RFX3: variants seen among roughly 807,000 people sequenced by gnomAD.
The protein encoded by RFX3 is transcription factor RFX3.
In RFX3, 14 loss-of-function variants were observed where a neutral mutation model predicts 98.6. The ratio of observed to expected loss-of-function variants is 0.14; its 90% CI spans 0.09 to 0.22. The LOEUF (loss-of-function observed/expected upper bound fraction) is 0.22. Ranked by LOEUF, RFX3 falls within the 10% of genes least tolerant of loss-of-function variation. The pLI is 1.00. For synonymous variants in RFX3, 383 were observed against 328.4 expected (o/e 1.17, Z -1.80); for missense variants, 639 against 926.9 (o/e 0.69, Z 4.03).
At chr9:3,284,531 C>T (rs181721480) in intron 7 of RFX3, among the ~76,000 whole-genome samples, 14 of 151,560 alleles carry the variant, frequency 9.2e-5, no homozygotes, top group Admixed American at 7.9e-4. Context: ...GGTATTTTAC[C>T]TCCCCTTGAT....
At position 3,224,221 on chromosome 9, in the gene RFX3, GCCCC is replaced by G; in HGVS notation, c.*817_*820del. The G allele has an allele frequency of 6.6e-6, 1 of 150,898 alleles. No homozygotes were observed. The highest frequency in any genetic ancestry group is 1.5e-5 in the Non-Finnish European group (1 of 67,802). 9.3% of individuals were successfully genotyped at this position (150,898 alleles called of 1,614,324 possible). A position where few individuals can be genotyped will look rare whatever the true frequency, so the allele number is the denominator to read the frequency against. The stretch of plus-strand genomic sequence containing the variant: ...TCTGCTTCAGTATCTAACTATAACA[GCCCC>G]CACTTAACAGCAGAATGCATCTGTG... On this transcript the variant is annotated 3_prime_UTR_variant, in exon 17 of 17. Transcript: ENST00000617270.
chr9:3,490,226 C>CT, intron 1 of RFX3: 1 of 584,688 alleles, frequency 1.7e-6, no homozygotes, highest in Non-Finnish European at 2.1e-6. Context: ...TGAAAATACT[C>CT]TGTATTATGT....
intron 4 of RFX3, among the ~76,000 whole-genome samples, chr9:3,308,775 G>A (rs961106702): frequency 1.3e-5 from 2 of 152,102 alleles, no homozygotes; most frequent in Non-Finnish European, 2.9e-5. Context: ...CATGACTGTT[G>A]CTGTGAGTGA....
chr9:3,342,643 T>C (rs1164731419), intron 3 of RFX3, among the ~76,000 whole-genome samples: 1 of 150,856 alleles, frequency 6.6e-6, no homozygotes, highest in African/African-American at 2.4e-5. Flanking sequence ...CAAAAAAGAG[T>C]GGGGGAAGAA....
At chr9:3,377,247 T>G (rs1026295050) in intron 2 of RFX3, among the ~76,000 whole-genome samples, 2 of 152,246 alleles carry the variant, frequency 1.3e-5, no homozygotes, top group Non-Finnish European at 2.9e-5. Context: ...ATATACACCA[T>G]GGAATACCAT....
At chr9:3,451,019 A>G (rs891676641) in intron 1 of RFX3, among the ~76,000 whole-genome samples, 1 of 152,216 alleles carries the variant, frequency 6.6e-6, no homozygotes, top group Non-Finnish European at 1.5e-5. Flanking sequence ...AGCTGATTCT[A>G]GGAGTGAAGC....
chr9:3,507,429 T>C (rs1817211269), intron 1 of RFX3, among the ~76,000 whole-genome samples: 1 of 151,930 alleles, frequency 6.6e-6, no homozygotes, highest in African/African-American at 2.4e-5. Context: ...TCATATACTG[T>C]CTTTGAAACA....
chr9:3,403,942 C>T (rs1244098577), intron 1 of RFX3, among the ~76,000 whole-genome samples: 1 of 152,118 alleles, frequency 6.6e-6, no homozygotes, highest in African/African-American at 2.4e-5. Context: ...ATCTTGCCTA[C>T]ACAAGAATTT....
rs978788520 is a variant in RFX3 at position 3,523,011 on chromosome 9, C to T, written c.-9+2736G>A. Among the ~76,000 whole-genome samples, 43 of 152,124 alleles carry T rather than the reference C, an allele frequency of 2.8e-4. 1 individual carries two copies. The highest frequency in any genetic ancestry group is 1.5e-4 in the Non-Finnish European group (10 of 67,996). On this transcript the variant is annotated intron_variant, in intron 1 of 16. Coordinates refer to ENST00000617270, the MANE Select transcript of RFX3 (RefSeq NM_001282116.2). The stretch of plus-strand genomic sequence containing the variant: ...CAAAAAAAACTAACCATCACTACAA[C>T]CTTTAATGAAAACATTGTGAAACGA...
At chr9:3,391,985 A>C (rs1203185747) in intron 2 of RFX3, among the ~76,000 whole-genome samples, 1 of 152,130 alleles carries the variant, frequency 6.6e-6, no homozygotes, top group East Asian at 1.9e-4. Context: ...TCTTTCCCCA[A>C]CTCAGCTCCC....
intron 1 of RFX3, chr9:3,524,621 A>G: frequency 1.0e-6 from 1 of 984,770 alleles, no homozygotes; most frequent in Non-Finnish European, 1.2e-6. Flanking sequence ...GAGTTCTCAC[A>G]AAGCTTCCTT....
chr9:3,501,220 TAAAAG>T (rs967966044), intron 1 of RFX3, among the ~76,000 whole-genome samples: 1 of 152,194 alleles, frequency 6.6e-6, no homozygotes, highest in African/African-American at 2.4e-5. Flanking sequence ...CCCACCTTCC[TAAAAG>T]AAAATTTTTA....
intron 1 of RFX3, chr9:3,453,787 T>A (rs1223958072): frequency 6.6e-6 from 1 of 151,090 alleles, no homozygotes; most frequent in Non-Finnish European, 1.5e-5. Context: ...ACATAAAACA[T>A]GTTTAATTAT....
chr9:3,346,809 G>C, intron 2 of RFX3, 45 bp from the exon 3 acceptor site: 1 of 1,156,032 alleles, frequency 8.7e-7, no homozygotes, highest in Non-Finnish European at 1.3e-6. Flanking sequence ...AGGTATGATA[G>C]GAAGAATACA....
chr9:3,381,372 G>C (rs970023887), intron 2 of RFX3, among the ~76,000 whole-genome samples: 1 of 151,958 alleles, frequency 6.6e-6, no homozygotes, highest in African/African-American at 2.4e-5. Flanking sequence ...CTGAAGCTTA[G>C]GTTTGTTCAA....
At chr9:3,232,147 T>C (rs999768590) in intron 15 of RFX3, among the ~76,000 whole-genome samples, 3 of 151,998 alleles carry the variant, frequency 2.0e-5, no homozygotes, top group South Asian at 2.1e-4. Context: ...CAAGAAACTA[T>C]AGGGATTATT....
chr9:3,408,143 G>A (rs1348472586), intron 1 of RFX3, among the ~76,000 whole-genome samples: 1 of 152,116 alleles, frequency 6.6e-6, no homozygotes, highest in African/African-American at 2.4e-5. Flanking sequence ...AGGTGCCAGG[G>A]GTTGTTGCTC....
chr9:3,430,573 C>T (rs1052768421), intron 1 of RFX3, among the ~76,000 whole-genome samples: 5 of 151,984 alleles, frequency 3.3e-5, no homozygotes, highest in Non-Finnish European at 7.4e-5. Context: ...CACAATGACA[C>T]CAATATTTTT....
chr9:3,355,480 G>A (rs1001396126), intron 2 of RFX3, among the ~76,000 whole-genome samples: 2 of 151,826 alleles, frequency 1.3e-5, no homozygotes, highest in Admixed American at 1.3e-4. Context: ...ATTTCATTAA[G>A]AAAAATATCA....
Sources: allele counts gnomAD v4.1 joint callset (sites outside exome capture counted in the v4.1 genomes callset), GRCh38; gene constraint gnomAD v4.1.1; transcripts MANE v1.5; gene names NCBI Gene and HGNC (gene_info 2026-07-23, HGNC 2026-07-21).